Variants in MPPED1 observed in about 807,000 individuals in gnomAD.
MPPED1 encodes metallophosphoesterase domain containing 1, also known as metallophosphoesterase domain-containing protein 1.
MPPED1 carries 16 observed loss-of-function variants against 36.2 expected under a neutral mutation model. That is an observed-to-expected ratio of 0.44 (90% confidence interval 0.30 to 0.67). The LOEUF is 0.67. Among genes scored for constraint, MPPED1 ranks in the 30% least tolerant of loss-of-function variants. The pLI is 0.10. For synonymous variants in MPPED1, 199 were observed against 191.3 expected (o/e 1.04, Z -0.33); for missense variants, 307 against 453.4 (o/e 0.68, Z 2.93).
intron 3 of MPPED1, among the ~76,000 whole-genome samples, chr22:43,459,912 A>G (rs938036760): frequency 3.9e-5 from 6 of 152,184 alleles, no homozygotes; most frequent in African/African-American, 1.4e-4. Context: ...TTAAAAAAAT[A>G]CTAGATGTTT....
At chr22:43,446,459 G>A (rs891970764) in intron 3 of MPPED1, among the ~76,000 whole-genome samples, 12 of 152,190 alleles carry the variant, frequency 7.9e-5, no homozygotes, top group African/African-American at 2.7e-4. Flanking sequence ...CTGCTGAGGG[G>A]ATGTTTGCAT....
At chr22:43,432,361 G>A (rs1929726595) in intron 2 of MPPED1, among the ~76,000 whole-genome samples, 1 of 126,132 alleles carries the variant, frequency 7.9e-6, no homozygotes, top group Non-Finnish European at 1.7e-5. Flanking sequence ...AGGAGAGAGA[G>A]AAAGGGAGAG....
rs135076 is a variant in MPPED1, at chr22:43,431,021, A to AT, written c.225-3974dup. Among the ~76,000 whole-genome samples the AT allele has an allele frequency of 3.3e-4, 14 of 42,304 alleles. 4 individuals are homozygous for AT. The highest frequency in any genetic ancestry group is 6.9e-4 in the Non-Finnish European group (13 of 18,822). The allele number at this position is 42,304 out of a possible 152,430, so 27.8% of individuals were successfully genotyped here. A position where few individuals can be genotyped will look rare whatever the true frequency, so the allele number is the denominator to read the frequency against. On this transcript the variant is annotated intron_variant, in intron 2 of 6. Coordinates refer to ENST00000443721, the MANE Select transcript of MPPED1 (RefSeq NM_001044370.2). ...CTGTCTCTTTCTACTGTTGTTGTTAATTTTTTTTTTTTTTTTTTTTTTTTT... is the reference window on the plus strand; with the variant it reads ...CTGTCTCTTTCTACTGTTGTTGTTAATTTTTTTTTTTTTTTTTTTTTTTTTT...
At position 43,434,403 on chromosome 22, in the gene MPPED1, G is replaced by A. The variant is rs1290066786; in HGVS notation, c.225-631G>A. On this transcript the variant is annotated intron_variant, in intron 2 of 6. Transcript: ENST00000443721. ...CCCTCCCGTGCTGCTGTCCTGCGAC[G>A]GCGGACGTGCGCTGCACAGCCCGGG... Among the ~76,000 whole-genome samples the A allele has an allele frequency of 4.6e-5, 7 of 152,128 alleles. No homozygotes were observed. In the East Asian group the frequency reaches 7.7e-4, roughly 17 times the overall value.
At chr22:43,499,522 G>A (rs1602024440) in intron 5 of MPPED1, among the ~76,000 whole-genome samples, 1 of 145,738 alleles carries the variant, frequency 6.9e-6, no homozygotes, top group South Asian at 2.3e-4. Flanking sequence ...TGATGGTGGT[G>A]GTGATGGAGG....
rs1183463825 is a variant in MPPED1, at chr22:43,506,544, T to C, written c.*928T>C. The C allele has an allele frequency of 6.6e-6, 1 of 152,278 alleles. No individual in the cohort carries two copies. Among genetic ancestry groups the C allele is most frequent in the East Asian group, 1.9e-4 (1 of 5,184 alleles). 9.4% of individuals were successfully genotyped at this position (152,278 alleles called of 1,614,324 possible). A position where few individuals can be genotyped will look rare whatever the true frequency, so the allele number is the denominator to read the frequency against. Reference sequence around the variant, plus strand: ...AAGTGGGTCCTGTGTTTCTCTTTTCTGCCCCGTAGTGAGGTTCTGTTCCTT... The same window carrying C: ...AAGTGGGTCCTGTGTTTCTCTTTTCCGCCCCGTAGTGAGGTTCTGTTCCTT... On this transcript the variant is annotated 3_prime_UTR_variant, in exon 7 of 7. Coordinates refer to ENST00000443721, the MANE Select transcript of MPPED1 (RefSeq NM_001044370.2).
intron 1 of MPPED1, among the ~76,000 whole-genome samples, chr22:43,419,824 C>T (rs995546472): frequency 7.9e-5 from 12 of 152,082 alleles, no homozygotes; most frequent in Admixed American, 1.3e-4. Context: ...ATACAGTTGG[C>T]GTCAAATGGG....
chr22:43,438,086 G>A lies in MPPED1; in HGVS notation c.406+2871G>A, dbSNP rs146653335. ...TGCCAGGTGTGTCGCAAGCCCTGGG[G>A]TAACAGTAGGCCCTGAGCACACAGG... On this transcript the variant is annotated intron_variant, in intron 3 of 6. Transcript: ENST00000443721. Among the ~76,000 whole-genome samples the A allele has an allele frequency of 4.4e-3, 677 of 152,334 alleles. 4 individuals carry two copies. Among genetic ancestry groups the A allele is most frequent in the African/African-American group, 0.016 (659 of 41,578 alleles).
intron 3 of MPPED1, among the ~76,000 whole-genome samples, chr22:43,451,414 A>C (rs1930564316): frequency 6.6e-6 from 1 of 152,254 alleles, no homozygotes; most frequent in Admixed American, 6.5e-5. Context: ...TTTTTAAAAG[A>C]AAAGCGGATT....
chr22:43,466,673 A>C (rs925419534), intron 3 of MPPED1, among the ~76,000 whole-genome samples: 2 of 152,104 alleles, frequency 1.3e-5, no homozygotes, highest in Non-Finnish European at 2.9e-5. Flanking sequence ...CCCACAGTAG[A>C]GTGGACAGGG....
intron 4 of MPPED1, among the ~76,000 whole-genome samples, chr22:43,495,537 AGATGGTGG>A (rs1569088751): frequency 6.7e-4 from 10 of 14,886 alleles, no homozygotes; most frequent in African/African-American, 1.6e-3. Flanking sequence ...GTGGTGGTGG[AGATGGTGG>A]TGGTGGAGAT....
intron 4 of MPPED1, among the ~76,000 whole-genome samples, chr22:43,495,663 T>C (rs1159257541): frequency 1.3e-5 from 1 of 79,524 alleles, no homozygotes; most frequent in Non-Finnish European, 2.6e-5. Flanking sequence ...GTAGTGGTGG[T>C]GGAGGTGGTG....
chr22:43,446,602 A>G (rs1205025093), intron 3 of MPPED1, among the ~76,000 whole-genome samples: 1 of 152,136 alleles, frequency 6.6e-6, no homozygotes, highest in African/African-American at 2.4e-5. Flanking sequence ...GAGTGGAAGA[A>G]ACTGAGTCCA....
chr22:43,499,983 G>A (rs1242750464), intron 5 of MPPED1, among the ~76,000 whole-genome samples: 4 of 106,856 alleles, frequency 3.7e-5, no homozygotes, highest in Non-Finnish European at 7.3e-5. Context: ...GGTGGTGGTG[G>A]TGATGGTGAT....
In MPPED1 at chr22:43,505,689, T is replaced by C. The variant is rs962348294; in HGVS notation, c.*73T>C. 5 of 1,377,178 alleles carry C rather than the reference T, an allele frequency of 3.6e-6. No homozygotes were observed. Among genetic ancestry groups the C allele is most frequent in the Middle Eastern group, 1.8e-4 (1 of 5,598 alleles). 85.3% of individuals were successfully genotyped at this position (1,377,178 alleles called of 1,614,324 possible). On this transcript the variant is annotated 3_prime_UTR_variant, in exon 7 of 7. Transcript: ENST00000443721. ...CCTGGCCCGGCCACTGTTCCTTCCATGCTGAGTTGCCTGGACGACCCATCT... is the reference window on the plus strand; with the variant it reads ...CCTGGCCCGGCCACTGTTCCTTCCACGCTGAGTTGCCTGGACGACCCATCT...
chr22:43,486,784 G>A (rs1411978640), intron 4 of MPPED1, among the ~76,000 whole-genome samples: 5 of 152,032 alleles, frequency 3.3e-5, no homozygotes, highest in Non-Finnish European at 7.4e-5. Flanking sequence ...GGGTCCAGAT[G>A]CAGCAGAGGG....
intron 1 of MPPED1, among the ~76,000 whole-genome samples, chr22:43,424,499 T>C (rs970778571): frequency 4.6e-5 from 7 of 152,060 alleles, no homozygotes; most frequent in African/African-American, 7.2e-5. Flanking sequence ...TCCTTCCTGT[T>C]CCCCAATTCT....
rs920641935 is a variant in MPPED1 at position 43,474,995 on chromosome 22, G to C, written c.632+34G>C. ...GCCTGGGTGCTGGTCCTGCCTGCTG[G>C]TGAGACCAGAGCTGAGGCTGAGCGC... On this transcript the variant is annotated intron_variant, in intron 4 of 6. Coordinates refer to ENST00000443721, the MANE Select transcript of MPPED1 (RefSeq NM_001044370.2). This position sits in a 1 kb window ranked among gnomAD's most constrained non-coding sequence, Gnocchi z 5.2. 6 of 1,602,760 alleles carry C rather than the reference G, an allele frequency of 3.7e-6. No individual in the cohort carries two copies. The highest frequency in any genetic ancestry group is 2.2e-5 in the East Asian group (1 of 44,806).
chr22:43,452,175 G>C (rs576634431), intron 3 of MPPED1, among the ~76,000 whole-genome samples: 1 of 151,968 alleles, frequency 6.6e-6, no homozygotes, highest in Admixed American at 6.6e-5. Flanking sequence ...GAGCCATCAT[G>C]CTTGGCTAAT....
Sources: gnomAD v4.1 joint callset for allele counts (sites outside exome capture counted in the v4.1 genomes callset) on GRCh38, gnomAD v4.1.1 for gene constraint, Gnocchi (gnomAD v3.1) non-coding constraint, MANE v1.5 for transcripts, NCBI Gene and HGNC (gene_info 2026-07-23, HGNC 2026-07-21) for gene names.